Variants in IHO1 observed in about 807,000 individuals in gnomAD.
The protein encoded by IHO1 is interactor of HORMAD1 protein 1.
IHO1 carries 13 observed loss-of-function variants against 31.0 expected under a neutral mutation model. The ratio of observed to expected loss-of-function variants is 0.42; its 90% CI spans 0.27 to 0.67. IHO1 has a LOEUF of 0.67. Among genes scored for constraint, IHO1 ranks in the 30% least tolerant of loss-of-function variants. The probability of loss-of-function intolerance (pLI) is 0.24; values close to 1 mark genes in which losing one functional copy is unlikely to be tolerated. For synonymous variants in IHO1, 221 were observed against 248.4 expected (o/e 0.89, Z 1.04); for missense variants, 599 against 687.5 (o/e 0.87, Z 1.44).
chr3:49,200,043 C>T (rs1228770065), intron 1 of IHO1, among the ~76,000 whole-genome samples: 1 of 152,172 alleles, frequency 6.6e-6, no homozygotes, highest in African/African-American at 2.4e-5. Context: ...GAGAGGCGGC[C>T]GGCCATTAGT....
chr3:49,198,035 A>G (rs145518473), upstream of IHO1, among the ~76,000 whole-genome samples: 57 of 152,252 alleles, frequency 3.7e-4, no homozygotes, highest in African/African-American at 1.3e-3. Context: ...ATTTTCTCGA[A>G]TTTTATATAA....
chr3:49,256,892 AATC>A lies in IHO1; in HGVS notation c.1396_1398del (p.Ile466del). On this transcript the variant is annotated inframe_deletion, in exon 8 of 8. Transcript: ENST00000452691. The surrounding 1 kb of genome is among the most constrained non-coding windows in gnomAD (Gnocchi z 4.6). The stretch of plus-strand genomic sequence containing the variant: ...TAGCCAGCAAGCAAAAACAAATCCC[AATC>A]CAGACCTGTAAATTCAATTCCAAAT... 6.2e-7 allele frequency: 1 copy of A among 1,614,176 alleles called. No individual in the cohort carries two copies. The highest frequency in any genetic ancestry group is 8.5e-7 in the Non-Finnish European group (1 of 1,180,018).
chr3:49,192,770 C>G, the IHO1 span, among the ~76,000 whole-genome samples: 2 of 152,070 alleles, frequency 1.3e-5, no homozygotes, highest in East Asian at 3.9e-4. Flanking sequence ...GTGGCATATA[C>G]CTGTAGTTCC....
chr3:49,242,068 C>T (rs1425240329), intron 4 of IHO1, among the ~76,000 whole-genome samples: 1 of 151,692 alleles, frequency 6.6e-6, no homozygotes, highest in Non-Finnish European at 1.5e-5. Flanking sequence ...CACAGCCTCC[C>T]GAGTAGCTGG....
At chr3:49,193,736 G>A (rs1455018301), upstream of IHO1, among the ~76,000 whole-genome samples, 22 of 151,640 alleles carry the variant, frequency 1.5e-4, no homozygotes, top group Non-Finnish European at 2.4e-4. Flanking sequence ...GGCCAAGGTG[G>A]GTGGATCACG....
upstream of IHO1, chr3:49,198,583 C>T (rs2046017079): frequency 6.6e-6 from 1 of 152,264 alleles, no homozygotes; most frequent in African/African-American, 2.4e-5. Flanking sequence ...TGTAGTGACG[C>T]GATCTCGGCT....
At chr3:49,217,099 G>A (rs944922305) in intron 2 of IHO1, among the ~76,000 whole-genome samples, 1 of 152,110 alleles carries the variant, frequency 6.6e-6, no homozygotes, top group Non-Finnish European at 1.5e-5. Flanking sequence ...CAAGGATCTG[G>A]AATAGAAATA....
In IHO1 at chr3:49,256,751, G is replaced by C. The variant is rs2046830425; in HGVS notation, c.1254G>C (p.Leu418Phe). 1.9e-6 allele frequency: 3 copies of C among 1,614,230 alleles called. No individual in the cohort carries two copies. Among genetic ancestry groups the C allele is most frequent in the East Asian group, 4.5e-5 (2 of 44,890 alleles). ...CQKYQAQSMF[L>F]CDPREHLVIK... ...AATATCAAGCCCAAAGTATGTTTTT[G>C]TGTGACCCACGTGAACATTTGGTGA... The change falls in exon 8 of 8, where the codon TTG becomes TTC. Residue 418 changes from leucine (L) to phenylalanine (F), a missense_variant. Transcript: ENST00000452691. This position sits in a 1 kb window ranked among gnomAD's most constrained non-coding sequence, Gnocchi z 4.6.
upstream of IHO1, among the ~76,000 whole-genome samples, chr3:49,193,999 G>A (rs571412854): frequency 5.3e-5 from 8 of 150,130 alleles, no homozygotes; most frequent in South Asian, 2.1e-4. Context: ...ACTGGGTGCC[G>A]TGGCTCACGT....
chr3:49,257,453 G>A lies in IHO1; in HGVS notation c.*171G>A. 2 of 652,260 alleles carry A rather than the reference G, an allele frequency of 3.1e-6. No individual in the cohort carries two copies. The highest frequency in any genetic ancestry group is 5.4e-5 in the Admixed American group (2 of 36,716). 40.4% of individuals were successfully genotyped at this position (652,260 alleles called of 1,614,324 possible). A position where few individuals can be genotyped will look rare whatever the true frequency, so the allele number is the denominator to read the frequency against. ...GAAGGTCCAGCATTCTGGGTACCAG[G>A]TGCTGCCCCTGACAAGGATTAAGTG... is the stretch of plus-strand genomic sequence containing the variant. On this transcript the variant is annotated 3_prime_UTR_variant, in exon 8 of 8. Transcript: ENST00000452691.
upstream of IHO1, among the ~76,000 whole-genome samples, chr3:49,194,088 T>C (rs1167657912): frequency 6.7e-6 from 1 of 149,750 alleles, no homozygotes; most frequent in South Asian, 2.1e-4. Flanking sequence ...GCCAACATGG[T>C]GAAACCCCAT....
upstream of IHO1, among the ~76,000 whole-genome samples, chr3:49,195,736 T>TA (rs1553615022): frequency 2.0e-5 from 3 of 150,978 alleles, no homozygotes; most frequent in Non-Finnish European, 4.4e-5. Flanking sequence ...ACAACAAAAA[T>TA]AATAAATAAA....
At chr3:49,225,425 C>A (rs977201304) in intron 2 of IHO1, among the ~76,000 whole-genome samples, 1 of 151,696 alleles carries the variant, frequency 6.6e-6, no homozygotes, top group Non-Finnish European at 1.5e-5. Flanking sequence ...ATTGCGCCAT[C>A]GCATCCCAGC....
intron 2 of IHO1, among the ~76,000 whole-genome samples, chr3:49,212,616 G>C (rs772439600): frequency 3.3e-5 from 5 of 152,140 alleles, no homozygotes; most frequent in Non-Finnish European, 7.3e-5. Context: ...TCAAGAATGA[G>C]GCCAAAGACC....
intron 4 of IHO1, among the ~76,000 whole-genome samples, chr3:49,243,274 C>T (rs568841590): frequency 6.6e-6 from 1 of 152,148 alleles, no homozygotes; most frequent in South Asian, 2.1e-4. Context: ...TCCCAAGTAG[C>T]TGGGACCACA....
chr3:49,200,680 T>A, intron 1 of IHO1: 1 of 486,724 alleles, frequency 2.1e-6, no homozygotes, highest in Non-Finnish European at 2.7e-6. Context: ...CACTCAACTT[T>A]TTCTCCCCTT....
chr3:49,234,162 G>GTTTTTTTTTTTTTTTT (rs56802492), intron 2 of IHO1, among the ~76,000 whole-genome samples: 44 of 91,904 alleles, frequency 4.8e-4, no homozygotes, highest in African/African-American at 6.9e-4. Flanking sequence ...TTTTGTTGTT[G>GTTTTTTTTTTTTTTTT]TTTTTTTTTT....
chr3:49,192,690 A>G, the IHO1 span, among the ~76,000 whole-genome samples: 31 of 152,206 alleles, frequency 2.0e-4, 1 homozygote, highest in Non-Finnish European at 5.9e-5. Context: ...TGAGCCCAGG[A>G]GTTCCAGACC....
chr3:49,223,467 G>A (rs1010867702), intron 2 of IHO1, among the ~76,000 whole-genome samples: 19 of 152,162 alleles, frequency 1.2e-4, no homozygotes, highest in African/African-American at 4.6e-4. Context: ...CGAGGCGGGC[G>A]GATCACGAGG....
Sources: gnomAD v4.1 joint callset for allele counts (sites outside exome capture counted in the v4.1 genomes callset) on GRCh38, gnomAD v4.1.1 for gene constraint, Gnocchi (gnomAD v3.1) non-coding constraint, MANE v1.5 for transcripts, NCBI Gene and HGNC (gene_info 2026-07-23, HGNC 2026-07-21) for gene names.